Variants in ELF1 observed in about 807,000 individuals in gnomAD.
ELF1 encodes ETS-related transcription factor Elf-1.
Under a neutral mutation model 59.9 loss-of-function variants are expected in ELF1, and 24 were observed. That is an observed-to-expected ratio of 0.40 (90% CI 0.29 to 0.56). ELF1 has a LOEUF of 0.56. Ranked by LOEUF, ELF1 falls within the 20% of genes least tolerant of loss-of-function variation. The pLI is 0.44. For synonymous variants in ELF1, 248 were observed against 266.2 expected, an observed-to-expected ratio of 0.93 and a Z score of 0.67; for missense variants, 627 against 742.2, an observed-to-expected ratio of 0.84 and a Z score of 1.80.
chr13:40,942,676 A>G (rs941565811), intron 7 of ELF1, among the ~76,000 whole-genome samples: 4 of 152,002 alleles, frequency 2.6e-5, no homozygotes, highest in Non-Finnish European at 5.9e-5. Flanking sequence ...GCATACCACC[A>G]CGCCTGGCTA....
intron 1 of ELF1, among the ~76,000 whole-genome samples, chr13:41,042,304 CTTTTTTTTTTTA>C (rs1876646640): frequency 6.8e-6 from 1 of 146,468 alleles, no homozygotes; most frequent in South Asian, 2.2e-4. Flanking sequence ...TTTTCTTTTT[CTTTTTTTTTTTA>C]TTATTATTAT....
At chr13:40,940,408 AAAAAAAAAAAC>A (rs1214647910) in intron 8 of ELF1, among the ~76,000 whole-genome samples, 18 of 147,688 alleles carry the variant, frequency 1.2e-4, no homozygotes, top group African/African-American at 4.4e-4. Context: ...AAAAAAAAAA[AAAAAAAAAAAC>A]AAACCTACTT....
At position 41,060,923 on chromosome 13, in the gene ELF1, C is replaced by CGCCGCT. The variant is rs1285796538; in HGVS notation, c.-315_-314insAGCGGC. The CGCCGCT allele has an allele frequency of 4.6e-5, 12 of 259,132 alleles. 2 individuals are homozygous for CGCCGCT. The highest frequency in any genetic ancestry group is 1.0e-4 in the Non-Finnish European group (12 of 117,584). 16.1% of individuals were successfully genotyped at this position (259,132 alleles called of 1,614,324 possible). On this transcript the variant is annotated 5_prime_UTR_variant, in exon 1 of 2. Transcript: ENST00000405737. The stretch of plus-strand genomic sequence containing the variant: ...CTACTGAAGCTGCTGCTGCCGCCGC[C>CGCCGCT]GCCGCCGCCGCCGCCGCCGCCGCTG...
rs1870289143 is a variant in ELF1, at chr13:40,943,130, G to T, written c.628C>A (p.Leu210Ile). 1.3e-6 allele frequency: 2 copies of T among 1,506,994 alleles called. No individual in the cohort carries two copies. Among genetic ancestry groups the T allele is most frequent in the Admixed American group, 4.2e-5 (2 of 47,748 alleles). 93.4% of individuals were successfully genotyped at this position (1,506,994 alleles called of 1,614,324 possible). ...AGCAGTGCCAGTAAAAACTCCCAAA[G>T]ATAAATTGTGTTTCCTGAAACAAAA... ...NKDGKGNTIY[L>I]WEFLLALLQD... Residue 210 changes from leucine to isoleucine, a missense_variant, in exon 7 of 9, where the codon CTT (leucine) becomes ATT (isoleucine). Coordinates refer to ENST00000239882, the MANE Select transcript of ELF1 (RefSeq NM_172373.4).
intron 1 of ELF1, among the ~76,000 whole-genome samples, chr13:41,006,050 G>A (rs1052205669): frequency 1.3e-5 from 2 of 152,122 alleles, no homozygotes; most frequent in African/African-American, 4.8e-5. Context: ...TCCATCTTCA[G>A]CTTCCTGTGA....
intron 3 of ELF1, among the ~76,000 whole-genome samples, chr13:40,953,088 TGCCTCA>T (rs1870964159): frequency 1.3e-5 from 2 of 151,720 alleles, no homozygotes; most frequent in Non-Finnish European, 1.5e-5. Flanking sequence ...GCGATTCTCC[TGCCTCA>T]GCCTCTTGAG....
In ELF1 at chr13:40,933,786, C is replaced by T. The variant is rs770947022; in HGVS notation, c.1499G>A (p.Gly500Asp). The T allele has an allele frequency of 1.2e-6, 2 of 1,614,268 alleles. No homozygotes were observed. The highest frequency in any genetic ancestry group is 2.7e-5 in the African/African-American group (2 of 75,070). Residue 500 changes from glycine to aspartate, a missense_variant, in exon 9 of 9, where the codon GGC becomes GAC. Around this residue, in one of 3 missense-constraint regions of ELF1, gnomAD observed 361 missense variants for 396.1 expected, o/e 0.91. Coordinates refer to ENST00000239882, the MANE Select transcript of ELF1 (RefSeq NM_172373.4). ...AAGGACCTGCTGAACCTGGGCAGGG[C>T]CCAAGACAATTGAAGGAGGAGAGCC... is the stretch of plus-strand genomic sequence containing the variant. ...KAGSPPSIVL[G>D]PAQVQQVLTS...
intron 1 of ELF1, among the ~76,000 whole-genome samples, chr13:41,029,335 T>C (rs748639636): frequency 3.9e-5 from 6 of 152,194 alleles, no homozygotes; most frequent in Admixed American, 6.5e-5. Flanking sequence ...AGATAACTGG[T>C]ATAGTATTAT....
At chr13:41,058,224 G>A (rs190638973) in intron 1 of ELF1, among the ~76,000 whole-genome samples, 1 of 152,162 alleles carries the variant, frequency 6.6e-6, no homozygotes, top group Non-Finnish European at 1.5e-5. Flanking sequence ...AATTTATCAA[G>A]TTAAAATTCC....
chr13:41,044,135 C>T (rs951792084), intron 1 of ELF1, among the ~76,000 whole-genome samples: 14 of 152,232 alleles, frequency 9.2e-5, no homozygotes, highest in Middle Eastern at 3.4e-3. Flanking sequence ...GTGATTTTTG[C>T]ACATTGATTT....
chr13:40,981,147 G>A (rs1873243965), intron 2 of ELF1, among the ~76,000 whole-genome samples: 1 of 152,054 alleles, frequency 6.6e-6, no homozygotes, highest in Admixed American at 6.5e-5. Flanking sequence ...TTGAGCATTA[G>A]GCTTATTTCA....
chr13:41,026,144 AAC>A (rs1360476123), intron 1 of ELF1, among the ~76,000 whole-genome samples: 1 of 152,186 alleles, frequency 6.6e-6, no homozygotes, highest in Admixed American at 6.5e-5. Context: ...GCTTAATGAT[AAC>A]ACATAGCATG....
Position 40,934,041 on chromosome 13 carries a change from T to C in ELF1, c.1257-13A>G. ...AGCCTGTATAGTCCTATTGAGATGA[T>C]GAAATTAAAGTGAGACAATTAGCAT... On this transcript the variant is annotated splice_polypyrimidine_tract_variant and intron_variant, in intron 8 of 8. Transcript: ENST00000239882. 6.3e-7 allele frequency: 1 copy of C among 1,591,442 alleles called. No individual in the cohort carries two copies. Among genetic ancestry groups the C allele is most frequent in the Non-Finnish European group, 8.6e-7 (1 of 1,166,688 alleles).
Position 40,958,084 on chromosome 13 carries a change from A to G in ELF1, c.253+752T>C, listed in dbSNP as rs150287897. Among the ~76,000 whole-genome samples, 431 of 152,370 alleles carry G rather than the reference A, an allele frequency of 2.8e-3. 1 individual carries two copies. Among genetic ancestry groups the G allele is most frequent in the African/African-American group, 9.9e-3 (410 of 41,598 alleles). ...ATATTTGCTTCCAAACAGTTTTCTCAAATATCCACAACATCCCTGGCCAAG... is the reference window on the plus strand; with the variant it reads ...ATATTTGCTTCCAAACAGTTTTCTCGAATATCCACAACATCCCTGGCCAAG... On this transcript the variant is annotated intron_variant, in intron 3 of 8. Coordinates refer to ENST00000239882, the MANE Select transcript of ELF1 (RefSeq NM_172373.4).
rs139055399 is a variant in ELF1 at position 40,940,025 on chromosome 13, G to C, written c.1256+896C>G. 8.5e-5 allele frequency among the ~76,000 whole-genome samples: 13 copies of C among 152,204 alleles called. No homozygotes were observed. The South Asian group carries it at 1.7e-3, about 19-fold the overall frequency. On this transcript the variant is annotated intron_variant, in intron 8 of 8. Transcript: ENST00000239882. ...AGACTGAATCTTCTAAGTCTGCCTT[G>C]ATTCTAGGTAATGTTACCTTACTCC...
chr13:40,951,551 A>G (rs1870852288), intron 3 of ELF1, 115 bp from the exon 4 acceptor site: 3 of 666,260 alleles, frequency 4.5e-6, no homozygotes, highest in Non-Finnish European at 7.1e-6. Flanking sequence ...TAGTTTATAT[A>G]TATATATAAA....
intron 1 of ELF1, among the ~76,000 whole-genome samples, chr13:41,051,011 A>C (rs1231734882): frequency 1.3e-5 from 2 of 152,196 alleles, no homozygotes; most frequent in Admixed American, 6.5e-5. Context: ...GACCCATCCT[A>C]ATGAGTATCA....
intron 8 of ELF1, among the ~76,000 whole-genome samples, chr13:40,934,938 A>G (rs892444844): frequency 6.6e-6 from 1 of 152,226 alleles, no homozygotes; most frequent in African/African-American, 2.4e-5. Flanking sequence ...AGCCATGATT[A>G]TAATTAACCT....
intron 2 of ELF1, among the ~76,000 whole-genome samples, chr13:40,963,222 A>G (rs1037177500): frequency 1.8e-4 from 27 of 152,198 alleles, no homozygotes; most frequent in Admixed American, 1.7e-3. Flanking sequence ...CTTATACACT[A>G]TTGTAGTCAG....
Sources: gnomAD v4.1 joint callset for allele counts (sites outside exome capture counted in the v4.1 genomes callset) on GRCh38, gnomAD v4.1.1 for gene constraint, gnomAD v4.1.1 regional missense constraint, MANE v1.5 for transcripts, NCBI Gene and HGNC (gene_info 2026-07-23, HGNC 2026-07-21) for gene names.